CCDC91: variants seen among roughly 807,000 people sequenced by gnomAD.
CCDC91 encodes coiled-coil domain-containing protein 91.
Under a neutral mutation model 63.2 loss-of-function variants are expected in CCDC91, and 48 were observed. That is an observed-to-expected ratio of 0.76 (90% CI 0.60 to 0.97). The LOEUF is 0.97. Among genes scored for constraint, CCDC91 ranks in the 50% least tolerant of loss-of-function variants. CCDC91 has a pLI of 0.00. For synonymous variants in CCDC91, 167 were observed against 165.8 expected, an observed-to-expected ratio of 1.01 and a Z score of -0.06; for missense variants, 500 against 494.6, an observed-to-expected ratio of 1.01 and a Z score of -0.10.
chr12:28,524,577 C>A (rs1322411095), intron 12 of CCDC91, among the ~76,000 whole-genome samples: 1 of 151,938 alleles, frequency 6.6e-6, no homozygotes, highest in African/African-American at 2.4e-5. Context: ...TGGTTGTATC[C>A]TTTCCTGATT....
chr12:28,433,186 T>C (rs1256868199), intron 8 of CCDC91, among the ~76,000 whole-genome samples: 1 of 151,976 alleles, frequency 6.6e-6, no homozygotes. Flanking sequence ...CTCCTGACAC[T>C]ATCTTTCATG....
chr12:28,260,584 T>C lies in CCDC91; in HGVS notation c.109+1142T>C, dbSNP rs535811726. The stretch of plus-strand genomic sequence containing the variant: ...TCTTGCTTTAATTTTTTTTTCTGGG[T>C]CACCTTTCCAGCAAACCCTCCCATG... On this transcript the variant is annotated intron_variant, in intron 3 of 12. Transcript: ENST00000536442. Among the ~76,000 whole-genome samples the C allele has an allele frequency of 6.6e-5, 10 of 151,994 alleles. No homozygotes were observed. In the South Asian group the frequency reaches 1.7e-3, roughly 25 times the overall value.
intron 8 of CCDC91, among the ~76,000 whole-genome samples, chr12:28,399,654 A>G (rs184365932): frequency 2.6e-5 from 4 of 152,368 alleles, no homozygotes; most frequent in Admixed American, 2.0e-4. Context: ...CCTAGATACA[A>G]TGGAGATACA....
At chr12:28,445,845 G>A (rs1257984102) in intron 8 of CCDC91, among the ~76,000 whole-genome samples, 1 of 152,110 alleles carries the variant, frequency 6.6e-6, no homozygotes, top group Non-Finnish European at 1.5e-5. Flanking sequence ...TCAGGACTTT[G>A]TCTAATCCCA....
At chr12:28,374,553 A>G (rs529688351) in intron 7 of CCDC91, among the ~76,000 whole-genome samples, 8 of 152,302 alleles carry the variant, frequency 5.3e-5, no homozygotes, top group Non-Finnish European at 1.0e-4. Flanking sequence ...GGATAAAACA[A>G]TATCCTAAAG....
At chr12:28,258,887 A>G (rs1946634639) in intron 2 of CCDC91, among the ~76,000 whole-genome samples, 1 of 151,990 alleles carries the variant, frequency 6.6e-6, no homozygotes, top group Admixed American at 6.6e-5. Flanking sequence ...CTAAATATTG[A>G]AAGCTATTAA....
chr12:28,334,064 G>A (rs1236176716), intron 6 of CCDC91, among the ~76,000 whole-genome samples: 3 of 151,964 alleles, frequency 2.0e-5, no homozygotes, highest in African/African-American at 4.8e-5. Context: ...GTGTGTGTAT[G>A]TGTATGTGTA....
At chr12:28,239,121 G>C (rs1482234528) in intron 1 of CCDC91, among the ~76,000 whole-genome samples, 1 of 126,210 alleles carries the variant, frequency 7.9e-6, no homozygotes, top group African/African-American at 2.9e-5. Flanking sequence ...CTCTGTCTCG[G>C]AAAAAAAAAA....
chr12:28,300,002 TA>T (rs1468648624), intron 3 of CCDC91, among the ~76,000 whole-genome samples: 1 of 151,498 alleles, frequency 6.6e-6, no homozygotes, highest in African/African-American at 2.4e-5. Flanking sequence ...TTATACATAT[TA>T]GTTTTTTTTC....
At chr12:28,201,156 G>A (rs1478615976) in intron 1 of CCDC91, among the ~76,000 whole-genome samples, 1 of 151,154 alleles carries the variant, frequency 6.6e-6, no homozygotes, top group Non-Finnish European at 1.5e-5. Flanking sequence ...CCCGGACGAG[G>A]TGGCTGCTGG....
chr12:28,520,173 T>A (rs1343955461), intron 12 of CCDC91, among the ~76,000 whole-genome samples: 8 of 152,330 alleles, frequency 5.3e-5, no homozygotes, highest in African/African-American at 1.7e-4. Context: ...TTGAACTAGT[T>A]TACAGTCCCA....
chr12:28,462,004 C>T (rs1389625861), intron 11 of CCDC91, among the ~76,000 whole-genome samples: 1 of 151,698 alleles, frequency 6.6e-6, no homozygotes, highest in Non-Finnish European at 1.5e-5. Flanking sequence ...GTTTTCCAAA[C>T]TGTGTATCAA....
rs183369017 is a variant in CCDC91 at position 28,442,482 on chromosome 12, A to G, written c.763-7679A>G. Among the ~76,000 whole-genome samples, 222 of 152,260 alleles carry G rather than the reference A, an allele frequency of 1.5e-3. 2 individuals carry two copies. Among genetic ancestry groups the G allele is most frequent in the African/African-American group, 5.0e-3 (210 of 41,586 alleles). On this transcript the variant is annotated intron_variant, in intron 8 of 12. Transcript: ENST00000536442. ...CAAGGGCAATTTTCTGAAAAGGCCA[A>G]TTTGCCGCTGTGAATGGCACATACT... is the stretch of plus-strand genomic sequence containing the variant.
intron 1 of CCDC91, among the ~76,000 whole-genome samples, chr12:28,228,020 A>G (rs776697384): frequency 1.3e-5 from 2 of 151,952 alleles, no homozygotes; most frequent in Non-Finnish European, 2.9e-5. Flanking sequence ...AAAGACAGTT[A>G]TTTTTATTGT....
intron 3 of CCDC91, among the ~76,000 whole-genome samples, chr12:28,286,797 C>A (rs540696209): frequency 6.6e-6 from 1 of 152,272 alleles, no homozygotes; most frequent in South Asian, 2.1e-4. Flanking sequence ...CACAGCGTTT[C>A]CACAGTGGTT....
At chr12:28,296,985 A>C (rs754919910) in intron 3 of CCDC91, among the ~76,000 whole-genome samples, 3 of 151,884 alleles carry the variant, frequency 2.0e-5, no homozygotes, top group Non-Finnish European at 4.4e-5. Flanking sequence ...ATGAAAGCAG[A>C]TAGTCACCAG....
At chr12:28,355,664 T>C (rs1380997124) in intron 6 of CCDC91, among the ~76,000 whole-genome samples, 1 of 152,186 alleles carries the variant, frequency 6.6e-6, no homozygotes, top group Non-Finnish European at 1.5e-5. Context: ...ATAGGAAAAT[T>C]GATTACTTCT....
At chr12:28,414,454 T>G (rs1947517358) in intron 8 of CCDC91, among the ~76,000 whole-genome samples, 1 of 152,144 alleles carries the variant, frequency 6.6e-6, no homozygotes, top group Non-Finnish European at 1.5e-5. Flanking sequence ...AAAATATAAT[T>G]GAAATGTTCA....
At chr12:28,372,529 G>A (rs541630021) in intron 7 of CCDC91, among the ~76,000 whole-genome samples, 2 of 151,756 alleles carry the variant, frequency 1.3e-5, no homozygotes, top group Non-Finnish European at 2.9e-5. Context: ...GTGTTTTGTA[G>A]TTCTCCTTAT....
Sources: gnomAD v4.1 joint callset for allele counts (sites outside exome capture counted in the v4.1 genomes callset) on GRCh38, gnomAD v4.1.1 for gene constraint, MANE v1.5 for transcripts, NCBI Gene and HGNC (gene_info 2026-07-23, HGNC 2026-07-21) for gene names.